The following MALRD1 variants were observed in gnomAD, a reference collection of about 807,000 sequenced individuals.
MALRD1 encodes the protein MAM and LDL-receptor class A domain-containing protein 1.
Under a neutral mutation model 242.1 loss-of-function variants are expected in MALRD1, and 247 were observed. The observed-to-expected ratio is 1.02, with a 90% confidence interval of 0.92 to 1.13. The LOEUF (loss-of-function observed/expected upper bound fraction) is 1.13, where lower values mean the gene tolerates loss of function less well. MALRD1 is among the 50% of genes most tolerant of loss of function. The pLI is 0.00. For missense variants in MALRD1, 2,989 were observed against 2,533.1 expected, an observed-to-expected ratio of 1.18 and a Z score of -3.86; for synonymous variants, 995 against 866.6, an observed-to-expected ratio of 1.15 and a Z score of -2.60.
chr10:19,254,890 C>T (rs997595990), intron 18 of MALRD1, among the ~76,000 whole-genome samples: 3 of 151,888 alleles, frequency 2.0e-5, no homozygotes, highest in African/African-American at 7.2e-5. Flanking sequence ...AATTCCATTT[C>T]TCTTATGAGT....
At chr10:19,587,769 A>C (rs1696040769) in intron 33 of MALRD1, among the ~76,000 whole-genome samples, 1 of 152,026 alleles carries the variant, frequency 6.6e-6, no homozygotes, top group African/African-American at 2.4e-5. Context: ...GGTTACTGGG[A>C]ATGTCGAAGT....
Position 19,209,319 on chromosome 10 carries a change from A to T in MALRD1, c.2630A>T (p.Asp877Val), listed in dbSNP as rs1836934667. ...ACTGGAATCTGTAACTGGGAACAAG[A>T]TGCAAAAGATGACTTTGATTGGACC... ...FETGICNWEQ[D>V]AKDDFDWTRS... The change falls in exon 18 of 40, where the codon GAT becomes GTT. Residue 877 changes from aspartate (D) to valine (V), a missense_variant. Asp to Val is a radical substitution (Grantham distance 152, BLOSUM62 -3). Coordinates refer to ENST00000454679, the MANE Select transcript of MALRD1 (RefSeq NM_001142308.3). The T allele has an allele frequency of 1.3e-6, 2 of 1,549,414 alleles. No individual in the cohort carries two copies. Among genetic ancestry groups the T allele is most frequent in the Admixed American group, 3.9e-5 (2 of 50,736 alleles).
At chr10:19,395,625 C>G (rs1367705483) in intron 28 of MALRD1, among the ~76,000 whole-genome samples, 1 of 152,030 alleles carries the variant, frequency 6.6e-6, no homozygotes, top group Non-Finnish European at 1.5e-5. Context: ...TTCTGGGGCC[C>G]CAAGATTTAT....
intron 38 of MALRD1, chr10:19,722,708 T>C (rs560759940): frequency 6.6e-6 from 1 of 151,450 alleles, no homozygotes; most frequent in Non-Finnish European, 1.5e-5. Context: ...TTTCACAAAT[T>C]TGGGGGTCAG....
intron 21 of MALRD1, among the ~76,000 whole-genome samples, chr10:19,322,246 C>T (rs1043850316): frequency 4.0e-4 from 61 of 152,078 alleles, no homozygotes; most frequent in African/African-American, 1.4e-3. Context: ...CTTTGTTCTG[C>T]GTATCCCTGT....
At chr10:19,454,433 A>ATATATATATATATATATATATAG (rs1835523396) in intron 29 of MALRD1, among the ~76,000 whole-genome samples, 1 of 55,446 alleles carries the variant, frequency 1.8e-5, no homozygotes, top group Non-Finnish European at 3.9e-5. Flanking sequence ...TATATATATA[A>ATATATATATATATATATATATAG]TTATATGATA....
At chr10:19,288,086 T>C (rs1841221305) in intron 21 of MALRD1, among the ~76,000 whole-genome samples, 1 of 152,052 alleles carries the variant, frequency 6.6e-6, no homozygotes, top group South Asian at 2.1e-4. Context: ...TAGTTTTAAT[T>C]ATTTTTCTTT....
intron 38 of MALRD1, among the ~76,000 whole-genome samples, chr10:19,707,359 A>C (rs1833914192): frequency 6.6e-6 from 1 of 152,206 alleles, no homozygotes; most frequent in African/African-American, 2.4e-5. Flanking sequence ...CCACTTTATC[A>C]AAAACTCAAA....
At chr10:19,271,140 G>T (rs529714316) in intron 19 of MALRD1, among the ~76,000 whole-genome samples, 1 of 152,094 alleles carries the variant, frequency 6.6e-6, no homozygotes, top group South Asian at 2.1e-4. Context: ...GATACATAAG[G>T]AGAAATGTAC....
At chr10:19,441,162 A>C (rs1378562270) in intron 28 of MALRD1, among the ~76,000 whole-genome samples, 1 of 152,114 alleles carries the variant, frequency 6.6e-6, no homozygotes, top group Non-Finnish European at 1.5e-5. Flanking sequence ...GTGTCTGTTC[A>C]TATCCTTTGC....
intron 8 of MALRD1, among the ~76,000 whole-genome samples, chr10:19,131,082 CT>C (rs1194033026): frequency 6.6e-6 from 1 of 152,106 alleles, no homozygotes; most frequent in East Asian, 1.9e-4. Context: ...TTGCTATCCT[CT>C]ATACATATGT....
chr10:19,136,252 C>T (rs1489845010), intron 9 of MALRD1, among the ~76,000 whole-genome samples: 1 of 151,656 alleles, frequency 6.6e-6, no homozygotes, highest in African/African-American at 2.4e-5. Flanking sequence ...CAGTCAGGGA[C>T]ATTTTTTATA....
chr10:19,099,268 T>A (rs1040598652), intron 4 of MALRD1, among the ~76,000 whole-genome samples: 10 of 152,194 alleles, frequency 6.6e-5, no homozygotes, highest in Non-Finnish European at 1.3e-4. Context: ...TGCTTTTTGG[T>A]AGAAGGGAAG....
intron 30 of MALRD1, among the ~76,000 whole-genome samples, chr10:19,495,231 C>T (rs1056500412): frequency 6.6e-6 from 1 of 152,014 alleles, no homozygotes; most frequent in Non-Finnish European, 1.5e-5. Context: ...CCTGCCTCGG[C>T]CTCCCAGAGT....
At chr10:19,210,623 A>T (rs1010671668) in intron 18 of MALRD1, among the ~76,000 whole-genome samples, 8 of 152,182 alleles carry the variant, frequency 5.3e-5, no homozygotes, top group Non-Finnish European at 5.9e-5. Flanking sequence ...CCAAATTTAA[A>T]GCACTATATC....
intron 10 of MALRD1, among the ~76,000 whole-genome samples, chr10:19,140,310 C>T (rs1408692700): frequency 6.6e-6 from 1 of 152,110 alleles, no homozygotes; most frequent in African/African-American, 2.4e-5. Flanking sequence ...CAAGAGAAAG[C>T]TTTGTCATGA....
intron 18 of MALRD1, among the ~76,000 whole-genome samples, chr10:19,252,893 C>G (rs1046285805): frequency 6.6e-6 from 1 of 151,938 alleles, no homozygotes; most frequent in Non-Finnish European, 1.5e-5. Context: ...TAAACAATTG[C>G]AAAGATGATT....
chr10:19,224,310 A>T (rs1428143028), intron 18 of MALRD1, among the ~76,000 whole-genome samples: 1 of 143,432 alleles, frequency 7.0e-6, no homozygotes, highest in African/African-American at 2.6e-5. Context: ...TTTCTTCGAG[A>T]CAGCCTCACT....
intron 11 of MALRD1, among the ~76,000 whole-genome samples, chr10:19,148,080 C>A (rs1833788942): frequency 6.6e-6 from 1 of 152,086 alleles, no homozygotes; most frequent in African/African-American, 2.4e-5. Context: ...TGTGACCAAT[C>A]AAATTTGCTC....
Sources: allele counts gnomAD v4.1 joint callset (sites outside exome capture counted in the v4.1 genomes callset), GRCh38; gene constraint gnomAD v4.1.1; transcripts MANE v1.5; gene names NCBI Gene and HGNC (gene_info 2026-07-23, HGNC 2026-07-21).